SYNJ2: variants seen among roughly 807,000 people sequenced by gnomAD.
SYNJ2 encodes the protein polyphosphatidylinositol phosphatase SYNJ2.
SYNJ2 carries 116 observed loss-of-function variants against 141.3 expected under a neutral mutation model. The ratio of observed to expected loss-of-function variants is 0.82; its 90% CI spans 0.71 to 0.96. SYNJ2 has a LOEUF of 0.96. SYNJ2 is among the 40% of genes least tolerant of loss of function. The pLI is 0.00. For synonymous variants in SYNJ2, 745 were observed against 777.7 expected, an observed-to-expected ratio of 0.96 and a Z score of 0.70; for missense variants, 1,873 against 1,934.8, an observed-to-expected ratio of 0.97 and a Z score of 0.60.
Position 158,011,030 on chromosome 6 carries a change from G to A in SYNJ2, c.128-6174G>A, listed in dbSNP as rs1778247823. ...AGAGAATGGCCACATAATGGTGGGGGGACACATGGAGAGAGAATGGCCACA... is the reference window on the plus strand; with the variant it reads ...AGAGAATGGCCACATAATGGTGGGGAGACACATGGAGAGAGAATGGCCACA... On this transcript the variant is annotated intron_variant, in intron 1 of 26. Coordinates refer to ENST00000355585, the MANE Select transcript of SYNJ2 (RefSeq NM_003898.4). 2.0e-5 allele frequency among the ~76,000 whole-genome samples: 3 copies of A among 150,660 alleles called. No individual in the cohort carries two copies. In the South Asian group the frequency reaches 6.3e-4, roughly 32 times the overall value.
chr6:158,080,013 T>C (rs1782571358), intron 18 of SYNJ2, among the ~76,000 whole-genome samples: 1 of 152,150 alleles, frequency 6.6e-6, no homozygotes, highest in African/African-American at 2.4e-5. Context: ...TAATATAGGA[T>C]TTTCTGGAAA....
rs1374972562 is a variant in SYNJ2, at chr6:158,036,999, G to A, written c.711+3319G>A. 2.0e-5 allele frequency among the ~76,000 whole-genome samples: 3 copies of A among 152,094 alleles called. No homozygotes were observed. In the East Asian group the frequency reaches 5.8e-4, roughly 29 times the overall value. ...GGGGTCTCATCTATTGCATCTCATC[G>A]AGTAAGTCCCTGGGAACCACTGTCC... On this transcript the variant is annotated intron_variant, in intron 4 of 26. Coordinates refer to ENST00000355585, the MANE Select transcript of SYNJ2 (RefSeq NM_003898.4).
rs1214765656 is a variant in SYNJ2 at position 158,067,459 on chromosome 6, C to T, written c.1717+824C>T. 7.1e-6 allele frequency: 7 copies of T among 985,256 alleles called. No homozygotes were observed. The East Asian group carries it at 3.4e-4, about 48-fold the overall frequency. 61.0% of individuals were successfully genotyped at this position (985,256 alleles called of 1,614,324 possible). A position where few individuals can be genotyped will look rare whatever the true frequency, so the allele number is the denominator to read the frequency against. ...ATAATTCCAAATGTTGACACCTCACCTTTTATCTTGTAAGATACACTATTG... is the reference window on the plus strand; with the variant it reads ...ATAATTCCAAATGTTGACACCTCACTTTTTATCTTGTAAGATACACTATTG... On this transcript the variant is annotated intron_variant, in intron 12 of 26. Coordinates refer to ENST00000355585, the MANE Select transcript of SYNJ2 (RefSeq NM_003898.4).
chr6:158,026,667 C>G (rs894158194), intron 2 of SYNJ2, among the ~76,000 whole-genome samples: 1 of 152,204 alleles, frequency 6.6e-6, no homozygotes, highest in East Asian at 1.9e-4. Context: ...TCAGGCCCCC[C>G]ACACGGAGGC....
chr6:158,092,877 G>C, intron 25 of SYNJ2, 49 bp from the exon 26 acceptor site: 1 of 1,507,562 alleles, frequency 6.6e-7, no homozygotes, highest in Non-Finnish European at 8.9e-7. Context: ...AAATCATGCA[G>C]TGAATTGCCT....
intron 16 of SYNJ2, among the ~76,000 whole-genome samples, chr6:158,075,381 C>T (rs1209017501): frequency 2.6e-5 from 4 of 151,858 alleles, no homozygotes; most frequent in Non-Finnish European, 4.4e-5. Flanking sequence ...TGGCTCTTGC[C>T]TGTAATCCCA....
At chr6:158,091,294 T>C (rs1004448922) in intron 25 of SYNJ2, among the ~76,000 whole-genome samples, 10 of 151,784 alleles carry the variant, frequency 6.6e-5, no homozygotes, top group African/African-American at 1.9e-4. Flanking sequence ...CCAGCCTGGG[T>C]GACAGAGCAA....
intron 12 of SYNJ2, among the ~76,000 whole-genome samples, chr6:158,066,988 G>A (rs1454450117): frequency 2.0e-5 from 3 of 152,072 alleles, no homozygotes; most frequent in African/African-American, 4.8e-5. Flanking sequence ...GCCTGTCTTC[G>A]GTGTTTTGTT....
At position 158,084,825 on chromosome 6, in the gene SYNJ2, CAAAA is replaced by C. The variant is rs919187352; in HGVS notation, c.3208+655_3208+658del. Among the ~76,000 whole-genome samples, 2 of 151,636 alleles carry C rather than the reference CAAAA, an allele frequency of 1.3e-5. No individual in the cohort carries two copies. The highest frequency in any genetic ancestry group is 2.4e-5 in the African/African-American group (1 of 41,268). On this transcript the variant is annotated intron_variant, in intron 22 of 26. Transcript: ENST00000355585. The surrounding 1 kb of genome is among the most constrained non-coding windows in gnomAD (Gnocchi z 5.0). ...AGATTCCGTCTCAAAACAACAACAA[CAAAA>C]AAACTTCTGATTCAATCCCAGTAGA...
chr6:158,096,487 C>A lies in SYNJ2; in HGVS notation c.*123C>A. On this transcript the variant is annotated 3_prime_UTR_variant, in exon 27 of 27. Transcript: ENST00000355585. The stretch of plus-strand genomic sequence containing the variant: ...CCAAAACGTTTGTGCATCTGTCACT[C>A]TCGTGTAGTTTACAAAAATCGTGTC... The A allele has an allele frequency of 8.5e-7, 1 of 1,173,060 alleles. No individual in the cohort carries two copies. Among genetic ancestry groups the A allele is most frequent in the Non-Finnish European group, 1.2e-6 (1 of 859,598 alleles). 72.7% of individuals were successfully genotyped at this position (1,173,060 alleles called of 1,614,324 possible). A position where few individuals can be genotyped will look rare whatever the true frequency, so the allele number is the denominator to read the frequency against.
At chr6:158,006,704 A>G (rs577697917) in intron 1 of SYNJ2, among the ~76,000 whole-genome samples, 2 of 152,042 alleles carry the variant, frequency 1.3e-5, no homozygotes, top group Non-Finnish European at 2.9e-5. Context: ...ACGGAGTCTC[A>G]CTCTGTCGCC....
intron 1 of SYNJ2, among the ~76,000 whole-genome samples, chr6:157,990,064 TG>T (rs1429909368): frequency 1.3e-5 from 2 of 152,192 alleles, no homozygotes; most frequent in Admixed American, 6.5e-5. Context: ...TCTGTGCCCT[TG>T]GCCCGCGAGG....
rs1156907527 is a variant in SYNJ2, at chr6:158,059,352, A to G, written c.953A>G (p.Lys318Arg). The change falls in exon 7 of 27, where the codon AAG (lysine) becomes AGG (arginine). Residue 318 changes from lysine (K) to arginine (R), a missense_variant and splice_region_variant. Physicochemically the swap from Lys to Arg is conservative, Grantham distance 26. Coordinates refer to ENST00000355585, the MANE Select transcript of SYNJ2 (RefSeq NM_003898.4). ...GGEEVLNRAF[K>R]KLLWASCHAG... ...GAGGAGGTGCTCAACAGAGCCTTCA[A>G]GGTAAGGCCAGGCTGTCCTCTCCAC... The G allele has an allele frequency of 3.2e-6, 5 of 1,549,860 alleles. No individual in the cohort carries two copies. The Admixed American group carries it at 9.8e-5, about 30-fold the overall frequency.
Position 158,065,003 on chromosome 6 carries a change from C to T in SYNJ2, c.1525+12C>T, listed in dbSNP as rs202176195. On this transcript the variant is annotated intron_variant, in intron 11 of 26. Coordinates refer to ENST00000355585, the MANE Select transcript of SYNJ2 (RefSeq NM_003898.4). The stretch of plus-strand genomic sequence containing the variant: ...CACGGCGCTCCTGGGTAGGGCCTGC[C>T]GCAGACAGGGCGAGGCAGGGAGGTA... The T allele has an allele frequency of 3.4e-4, 531 of 1,539,876 alleles. 9 individuals are homozygous for T. The African/African-American group carries it at 5.5e-3, about 16-fold the overall frequency.
chr6:158,050,547 T>C (rs1271159735), intron 5 of SYNJ2, among the ~76,000 whole-genome samples: 1 of 152,256 alleles, frequency 6.6e-6, no homozygotes, highest in Non-Finnish European at 1.5e-5. Flanking sequence ...GGCCCAGCCC[T>C]GTCCACACGG....
At chr6:158,054,935 A>C (rs1396320457) in intron 5 of SYNJ2, 32 bp from the exon 6 acceptor site, 1 of 1,611,856 alleles carries the variant, frequency 6.2e-7, no homozygotes, top group Admixed American at 1.7e-5. Flanking sequence ...CAGAGAAGGA[A>C]GAATCACTGT....
rs1781927133 is a variant in SYNJ2 at position 158,071,590 on chromosome 6, C to T, written c.1941-12C>T. On this transcript the variant is annotated splice_polypyrimidine_tract_variant and intron_variant, in intron 14 of 26. Transcript: ENST00000355585. The surrounding 1 kb of genome is among the most constrained non-coding windows in gnomAD (Gnocchi z 4.3). ...CAGGAGCCGACGGCATGCGCGTATC[C>T]TTCTGTTCCAGGGACGTAGCCATCG... The T allele has an allele frequency of 1.2e-6, 2 of 1,612,732 alleles. No individual in the cohort carries two copies. The highest frequency in any genetic ancestry group is 2.7e-5 in the African/African-American group (2 of 75,016).
At chr6:158,090,530 G>A (rs1371918221) in intron 25 of SYNJ2, among the ~76,000 whole-genome samples, 5 of 114,698 alleles carry the variant, frequency 4.4e-5, no homozygotes, top group East Asian at 2.7e-4. Context: ...CCTTTTCTTC[G>A]TTTTTTTTTT....
Position 158,062,806 on chromosome 6 carries a change from T to C in SYNJ2, c.1127+642T>C, listed in dbSNP as rs1194250632. Among the ~76,000 whole-genome samples, 4 of 152,336 alleles carry C rather than the reference T, an allele frequency of 2.6e-5. No homozygotes were observed. In the East Asian group the frequency reaches 7.7e-4, roughly 29 times the overall value. ...CTCGTATTTAAACAAGTTTCCTTTTTAAGATTTAGTACCATGTTTTTCACA... is the reference window on the plus strand; with the variant it reads ...CTCGTATTTAAACAAGTTTCCTTTTCAAGATTTAGTACCATGTTTTTCACA... On this transcript the variant is annotated intron_variant, in intron 8 of 26. Coordinates refer to ENST00000355585, the MANE Select transcript of SYNJ2 (RefSeq NM_003898.4).
Sources: allele counts gnomAD v4.1 joint callset (sites outside exome capture counted in the v4.1 genomes callset), GRCh38; gene constraint gnomAD v4.1.1; non-coding constraint Gnocchi (gnomAD v3.1); transcripts MANE v1.5; gene names NCBI Gene and HGNC (gene_info 2026-07-23, HGNC 2026-07-21).